FMO5: variants seen among roughly 807,000 people sequenced by gnomAD.
The protein encoded by FMO5 is flavin-containing monooxygenase 5.
FMO5 carries 51 observed loss-of-function variants against 43.6 expected under a neutral mutation model. The observed-to-expected ratio is 1.17, with a 90% confidence interval of 0.93 to 1.48. The LOEUF is 1.48. Among genes scored for constraint, FMO5 ranks in the 40% most tolerant of loss-of-function variants. The pLI is 0.00. For synonymous variants in FMO5, 187 were observed against 216.5 expected (o/e 0.86, Z 1.20); for missense variants, 644 against 643.0 (o/e 1.00, Z -0.02).
chr1:147,186,224 G>T, downstream of FMO5: 1 of 648,880 alleles, frequency 1.5e-6, no homozygotes, highest in Non-Finnish European at 1.9e-6. Context: ...CTCATTGGCA[G>T]ATGGTAGATG....
intron 3 of FMO5, among the ~76,000 whole-genome samples, chr1:147,214,541 T>C (rs1553924572): frequency 6.6e-6 from 1 of 152,040 alleles, no homozygotes; most frequent in Admixed American, 6.5e-5. Flanking sequence ...TCTATCATGT[T>C]CTTTTACACA....
chr1:147,199,501 A>G (rs1329461188), intron 7 of FMO5, among the ~76,000 whole-genome samples: 1 of 152,208 alleles, frequency 6.6e-6, no homozygotes, highest in Non-Finnish European at 1.5e-5. Context: ...CTAAGATCCC[A>G]TAATCTCATA....
At position 147,186,820 on chromosome 1, in the gene FMO5, T is replaced by C; in HGVS notation, c.*80A>G. 3.9e-6 allele frequency: 6 copies of C among 1,520,730 alleles called. No individual in the cohort carries two copies. The highest frequency in any genetic ancestry group is 5.3e-6 in the Non-Finnish European group (6 of 1,138,752). 94.2% of individuals were successfully genotyped at this position (1,520,730 alleles called of 1,614,324 possible). A position where few individuals can be genotyped will look rare whatever the true frequency, so the allele number is the denominator to read the frequency against. ...AGTAGATTTCTGGGCAATATGAAAC[T>C]GAGAGTCAATCTCGTCAGATTCTGA... On this transcript the variant is annotated 3_prime_UTR_variant, in exon 9 of 9. Transcript: ENST00000254090.
rs782697079 is a variant in FMO5, at chr1:147,215,743, C to A, written c.324+11G>T. On this transcript the variant is annotated intron_variant, in intron 3 of 8. Coordinates refer to ENST00000254090, the MANE Select transcript of FMO5 (RefSeq NM_001461.4). ...AACTTCAAACACAAAGATACCCACA[C>A]AATTTTCTACCTTAAATCGAATATA... 4.4e-6 allele frequency: 7 copies of A among 1,577,602 alleles called. No homozygotes were observed. The highest frequency in any genetic ancestry group is 2.3e-5 in the East Asian group (1 of 44,380).
intron 7 of FMO5, among the ~76,000 whole-genome samples, chr1:147,200,117 C>A (rs1047802031): frequency 2.0e-5 from 3 of 152,088 alleles, no homozygotes; most frequent in Admixed American, 1.3e-4. Context: ...CTTAGAATTT[C>A]AGAGGCAGCT....
chr1:147,212,983 T>C (rs1661338399), intron 4 of FMO5, among the ~76,000 whole-genome samples: 1 of 152,056 alleles, frequency 6.6e-6, no homozygotes. Flanking sequence ...AGAAACTCAA[T>C]ATTTGTGTTT....
intron 7 of FMO5, among the ~76,000 whole-genome samples, chr1:147,191,213 T>G (rs1553918385): frequency 6.6e-6 from 1 of 152,172 alleles, no homozygotes; most frequent in African/African-American, 2.4e-5. Context: ...ATGGGATGGT[T>G]GGGTCAAATG....
At chr1:147,211,491 A>C (rs1661061905) in intron 5 of FMO5, 1 of 152,202 alleles carries the variant, frequency 6.6e-6, no homozygotes, top group South Asian at 2.1e-4. Context: ...GTGTTTTTCA[A>C]ACAAAGTTGC....
At chr1:147,184,329 T>G, downstream of FMO5, 1 of 728,000 alleles carries the variant, frequency 1.4e-6, no homozygotes, top group Non-Finnish European at 1.9e-6. The surrounding 1 kb of genome is among the most constrained non-coding windows in gnomAD (Gnocchi z 4.4). Context: ...TTTCCTTTAT[T>G]GTTGACATTT....
At chr1:147,210,396 T>C (rs1660891611) in intron 5 of FMO5, 1 of 152,256 alleles carries the variant, frequency 6.6e-6, no homozygotes, top group African/African-American at 2.4e-5. Context: ...TGAAACTCTC[T>C]GGAGATGGCT....
chr1:147,202,351 CT>C (rs1323059210), intron 6 of FMO5, among the ~76,000 whole-genome samples: 135,309 of 135,378 alleles, frequency 1, 67,620 homozygotes, highest in East Asian at 1. Flanking sequence ...AGAGTCTCTA[CT>C]TCTTTTGCCG....
chr1:147,193,771 A>G (rs1200632305), intron 7 of FMO5, among the ~76,000 whole-genome samples: 1 of 152,158 alleles, frequency 6.6e-6, no homozygotes, highest in Non-Finnish European at 1.5e-5. Context: ...TGTACCCAGT[A>G]GTCATTCAGG....
At chr1:147,215,725 A>G (rs1553924818) in intron 3 of FMO5, 29 bp downstream of exon 3, 2 of 1,523,116 alleles carry the variant, frequency 1.3e-6, no homozygotes, top group Non-Finnish European at 1.8e-6. Context: ...AACAACTTCA[A>G]ACACAAAGAT....
Position 147,201,230 on chromosome 1 carries a change from T to G in FMO5, c.1105A>C (p.Ile369Leu), listed in dbSNP as rs1553920823. The change falls in exon 7 of 9, where the codon ATA becomes CTA. Residue 369 changes from isoleucine (I) to leucine (L), a missense_variant. Transcript: ENST00000254090. The part of the protein sequence containing the change: ...PNLERPTLAI[I>L]GLIQPLGAIM... The stretch of plus-strand genomic sequence containing the variant: ...GCTCCTAAGGGCTGAATCAAGCCTA[T>G]GATTGCAAGAGTTGGCCTTTCCAGG... 1 of 1,614,168 alleles carries G rather than the reference T, an allele frequency of 6.2e-7. No individual in the cohort carries two copies. Among genetic ancestry groups the G allele is most frequent in the Admixed American group, 1.7e-5 (1 of 60,026 alleles).
chr1:147,204,469 C>T (rs782185053), intron 6 of FMO5: 25 of 1,452,488 alleles, frequency 1.7e-5, no homozygotes, highest in East Asian at 9.1e-5. Flanking sequence ...ATCAACATCT[C>T]GAAGGTTTTT....
chr1:147,223,713 T>C (rs1553926841), intron 2 of FMO5: 3 of 201,368 alleles, frequency 1.5e-5, no homozygotes, highest in Non-Finnish European at 2.0e-5. Flanking sequence ...CTCACCCTCT[T>C]TGTCAGATGG....
At chr1:147,203,960 CAG>C in intron 6 of FMO5, 1 of 1,281,788 alleles carries the variant, frequency 7.8e-7, no homozygotes, top group Non-Finnish European at 1.1e-6. Flanking sequence ...AACTGTTTTA[CAG>C]AGTCTTCGGA....
Position 147,187,032 on chromosome 1 carries a change from G to A in FMO5, c.1470C>T (p.Thr490=). Residue 490 remains threonine, a synonymous_variant, in exon 9 of 9, where the codon ACC becomes ACT. Transcript: ENST00000254090. The stretch of plus-strand genomic sequence containing the variant: ...GAGGCTTCCTGATGCGATCATCTGT[G>A]GTGAGGATAGCTTTTCGAGCCCCAT... ...KWDGARKAIL[T]TDDRIRKPLM... is the part of the protein sequence containing the mutation. The A allele has an allele frequency of 1.9e-6, 3 of 1,614,116 alleles. No individual in the cohort carries two copies. Among genetic ancestry groups the A allele is most frequent in the Non-Finnish European group, 2.5e-6 (3 of 1,180,002 alleles).
At chr1:147,195,705 T>C (rs1385031837) in intron 7 of FMO5, among the ~76,000 whole-genome samples, 18 of 152,162 alleles carry the variant, frequency 1.2e-4, no homozygotes, top group African/African-American at 4.3e-4. Flanking sequence ...AACTAGGGAC[T>C]ATGCCATGTA....
Sources: gnomAD v4.1 joint callset for allele counts (sites outside exome capture counted in the v4.1 genomes callset) on GRCh38, gnomAD v4.1.1 for gene constraint, Gnocchi (gnomAD v3.1) non-coding constraint, MANE v1.5 for transcripts, NCBI Gene and HGNC (gene_info 2026-07-23, HGNC 2026-07-21) for gene names.